BBX: variants seen among roughly 807,000 people sequenced by gnomAD.
BBX encodes HMG box transcription factor BBX.
In BBX, 30 loss-of-function variants were observed where a neutral mutation model predicts 100.2. That is an observed-to-expected ratio of 0.30 (90% CI 0.22 to 0.41). The LOEUF (loss-of-function observed/expected upper bound fraction) is 0.41, where lower values mean the gene tolerates loss of function less well. BBX is among the 10% of genes least tolerant of loss of function. The pLI, the probability that BBX is intolerant of heterozygous loss-of-function variation, is 1.00. For synonymous variants in BBX, 376 were observed against 388.1 expected, an observed-to-expected ratio of 0.97 and a Z score of 0.37; for missense variants, 1,023 against 1,129.8, an observed-to-expected ratio of 0.91 and a Z score of 1.35.
At chr3:107,731,583 A>G (rs993350998) in intron 6 of BBX, among the ~76,000 whole-genome samples, 2 of 152,154 alleles carry the variant, frequency 1.3e-5, no homozygotes, top group Non-Finnish European at 2.9e-5. Flanking sequence ...ATGTCTTCCT[A>G]TGTGGCTGCC....
intron 3 of BBX, among the ~76,000 whole-genome samples, chr3:107,647,601 A>G (rs1181618557): frequency 6.6e-6 from 1 of 152,236 alleles, no homozygotes; most frequent in East Asian, 1.9e-4. Context: ...AATAGAAAAG[A>G]TGCCATACAA....
At position 107,772,709 on chromosome 3, in the gene BBX, G is replaced by C; in HGVS notation, c.988G>C (p.Glu330Gln). 6.2e-7 allele frequency: 1 copy of C among 1,610,550 alleles called. No individual in the cohort carries two copies. ...AKESDGGRIK[E>Q]LEKGKEEKEI... ...AGAATCCGATGGTGGAAGAATTAAA[G>C]AATTAGAGAAGGGAAAGGAAGAAAA... is the stretch of plus-strand genomic sequence containing the variant. The change falls in exon 11 of 18, where the codon GAA becomes CAA. Residue 330 changes from glutamate (E) to glutamine (Q), a missense_variant. Around this residue, in one of 9 missense-constraint regions of BBX, gnomAD observed 348 missense variants for 353.2 expected, o/e 0.99. Transcript: ENST00000325805.
At chr3:107,695,064 T>C (rs1167784726) in intron 3 of BBX, among the ~76,000 whole-genome samples, 4 of 146,592 alleles carry the variant, frequency 2.7e-5, no homozygotes, top group Admixed American at 2.0e-4. Flanking sequence ...TTTTTTATTG[T>C]GTCTATTTGA....
intron 2 of BBX, among the ~76,000 whole-genome samples, chr3:107,639,232 A>G (rs1449874901): frequency 6.6e-6 from 1 of 152,134 alleles, no homozygotes; most frequent in Non-Finnish European, 1.5e-5. Context: ...ATTATTGCTG[A>G]CGTGAAAGGA....
chr3:107,668,110 T>C (rs2058842213), intron 3 of BBX, among the ~76,000 whole-genome samples: 1 of 152,218 alleles, frequency 6.6e-6, no homozygotes, highest in African/African-American at 2.4e-5. Flanking sequence ...TTAATATTGA[T>C]ATTTATTTTG....
At chr3:107,651,020 C>T (rs2057807325) in intron 3 of BBX, among the ~76,000 whole-genome samples, 1 of 152,150 alleles carries the variant, frequency 6.6e-6, no homozygotes, top group Non-Finnish European at 1.5e-5. Flanking sequence ...TTCCTCTTCT[C>T]ATAAGTACAT....
intron 4 of BBX, among the ~76,000 whole-genome samples, chr3:107,715,973 C>A (rs2062074018): frequency 6.6e-6 from 1 of 152,164 alleles, no homozygotes; most frequent in Non-Finnish European, 1.5e-5. Flanking sequence ...TTGTGTAGTT[C>A]TTCTTTCAAA....
chr3:107,594,779 C>T (rs2053566310), intron 2 of BBX, among the ~76,000 whole-genome samples: 1 of 151,900 alleles, frequency 6.6e-6, no homozygotes, highest in Non-Finnish European at 1.5e-5. Flanking sequence ...TAAATTTTTG[C>T]ACTGCCCCTT....
chr3:107,701,567 C>T (rs1294317261), intron 3 of BBX, among the ~76,000 whole-genome samples: 1 of 152,150 alleles, frequency 6.6e-6, no homozygotes, highest in Admixed American at 6.5e-5. Context: ...ATTAGCTTCA[C>T]CAATTTCATG....
chr3:107,798,848 AAAC>A (rs2070058899), intron 16 of BBX, 128 bp downstream of exon 16: 6 of 1,048,710 alleles, frequency 5.7e-6, no homozygotes, highest in Admixed American at 2.9e-5. Context: ...AAAAAAAAAA[AAAC>A]AAAAACAAAA....
rs1356406994 is a variant in BBX, at chr3:107,744,726, T to G, written c.750+16T>G. 1 of 1,596,356 alleles carries G rather than the reference T, an allele frequency of 6.3e-7. No individual in the cohort carries two copies. The highest frequency in any genetic ancestry group is 8.6e-7 in the Non-Finnish European group (1 of 1,164,160). On this transcript the variant is annotated intron_variant, in intron 8 of 17. Transcript: ENST00000325805. ...GTTTGCCGAGGTAATATATTACAAT[T>G]GATACTTAACTAATGAGGAAATTGT...
intron 3 of BBX, chr3:107,657,294 A>G (rs987306123): frequency 5.9e-5 from 9 of 152,220 alleles, no homozygotes; most frequent in African/African-American, 2.2e-4. Context: ...TCCAAGTTAC[A>G]GAACTAGTCT....
At chr3:107,603,930 G>T (rs1477010902) in intron 2 of BBX, among the ~76,000 whole-genome samples, 1 of 151,984 alleles carries the variant, frequency 6.6e-6, no homozygotes, top group Admixed American at 6.5e-5. Context: ...TGTATGCACT[G>T]GGAAACCAAA....
chr3:107,525,336 GAGA>G (rs1381732844), intron 1 of BBX: 1 of 152,302 alleles, frequency 6.6e-6, no homozygotes, highest in Non-Finnish European at 1.5e-5. Flanking sequence ...GGAGGAGAGG[GAGA>G]AGGAGGAGGG....
At chr3:107,579,013 G>A (rs1240781386) in intron 2 of BBX, among the ~76,000 whole-genome samples, 1 of 152,080 alleles carries the variant, frequency 6.6e-6, no homozygotes, top group Non-Finnish European at 1.5e-5. Context: ...CATTCCTTGG[G>A]CCCTGAGGGA....
intron 2 of BBX, among the ~76,000 whole-genome samples, chr3:107,625,367 A>G (rs1185340067): frequency 6.6e-6 from 1 of 152,034 alleles, no homozygotes; most frequent in Non-Finnish European, 1.5e-5. Context: ...AACCTCCACC[A>G]CACACACAGT....
At chr3:107,560,855 G>C (rs553468302) in intron 2 of BBX, among the ~76,000 whole-genome samples, 1 of 152,180 alleles carries the variant, frequency 6.6e-6, no homozygotes, top group African/African-American at 2.4e-5. Context: ...GAGCAATGAG[G>C]AAGTCTAAAA....
intron 2 of BBX, among the ~76,000 whole-genome samples, chr3:107,534,919 G>C (rs1460215077): frequency 6.6e-6 from 1 of 152,212 alleles, no homozygotes; most frequent in Non-Finnish European, 1.5e-5. Context: ...GTTTCCCAAA[G>C]AGTATTTTAC....
rs1251340958 is a variant in BBX, at chr3:107,809,734, G to A, written c.*4277G>A. The A allele has an allele frequency of 6.6e-6, 1 of 152,194 alleles. No individual in the cohort carries two copies. The highest frequency in any genetic ancestry group is 1.5e-5 in the Non-Finnish European group (1 of 68,036). The allele number at this position is 152,194 out of a possible 1,614,324, so 9.4% of individuals were successfully genotyped here. A position where few individuals can be genotyped will look rare whatever the true frequency, so the allele number is the denominator to read the frequency against. ...ATTTGACCTATAAAGTATTCAGAGT[G>A]ACTGCTAGGTAGAAATTAAAACTTA... is the stretch of plus-strand genomic sequence containing the variant. On this transcript the variant is annotated 3_prime_UTR_variant, in exon 18 of 18. Transcript: ENST00000325805.
Sources: allele counts gnomAD v4.1 joint callset (sites outside exome capture counted in the v4.1 genomes callset), GRCh38; gene constraint gnomAD v4.1.1; regional missense constraint gnomAD v4.1.1; transcripts MANE v1.5; gene names NCBI Gene and HGNC (gene_info 2026-07-23, HGNC 2026-07-21).